Variants in IL1RAPL2 observed in about 807,000 individuals in gnomAD.
The protein encoded by IL1RAPL2 is interleukin 1 receptor accessory protein like 2.
IL1RAPL2 carries 3 observed loss-of-function variants against 44.1 expected under a neutral mutation model. The ratio of observed to expected loss-of-function variants is 0.07; its 90% CI spans 0.03 to 0.18. The LOEUF is 0.18. IL1RAPL2 is among the 10% of genes least tolerant of loss of function. The probability of loss-of-function intolerance (pLI) is 1.00; values close to 1 mark genes in which losing one functional copy is unlikely to be tolerated. For synonymous variants in IL1RAPL2, 181 were observed against 178.8 expected (o/e 1.01, Z -0.10); for missense variants, 391 against 496.4 (o/e 0.79, Z 2.02).
Position 105,634,115 on chromosome X carries a change from T to C in IL1RAPL2, c.773-83252T>C, listed in dbSNP as rs1373892004. 2.7e-5 allele frequency among the ~76,000 whole-genome samples: 3 copies of C among 111,404 alleles called. No homozygotes were observed. The Admixed American group carries it at 2.9e-4, about 11-fold the overall frequency. On this transcript the variant is annotated intron_variant, in intron 6 of 10. Transcript: ENST00000372582. ...GAGAGTGCGTCTTCTACTTCCCTTATTTGCCTTTCAGTGTCTACGTGTCTG... is the reference window on the plus strand; with the variant it reads ...GAGAGTGCGTCTTCTACTTCCCTTACTTGCCTTTCAGTGTCTACGTGTCTG...
chrX:105,184,422 G>C (rs1396586083), intron 2 of IL1RAPL2, among the ~76,000 whole-genome samples: 1 of 108,257 alleles, frequency 9.2e-6, no homozygotes, highest in Non-Finnish European at 1.9e-5. Context: ...ATAACAATAT[G>C]TATTATATAC....
intron 2 of IL1RAPL2, among the ~76,000 whole-genome samples, chrX:104,800,494 A>G (rs1214396516): frequency 1.8e-5 from 2 of 112,165 alleles, no homozygotes; most frequent in Non-Finnish European, 3.8e-5. Flanking sequence ...TAAAATCTCA[A>G]AGATAGAATT....
At chrX:104,854,277 C>G (rs1922301934) in intron 2 of IL1RAPL2, among the ~76,000 whole-genome samples, 1 of 110,829 alleles carries the variant, frequency 9.0e-6, no homozygotes, top group Non-Finnish European at 1.9e-5. Context: ...TCCAGAAACC[C>G]TGATTTTTTT....
At chrX:105,721,661 C>A (rs935368073) in intron 7 of IL1RAPL2, among the ~76,000 whole-genome samples, 1 of 111,175 alleles carries the variant, frequency 9.0e-6, no homozygotes, top group Non-Finnish European at 1.9e-5. Context: ...TTGGATAAAT[C>A]CTGAACAAGC....
chrX:105,026,720 T>C (rs1349348907), intron 2 of IL1RAPL2, among the ~76,000 whole-genome samples: 5 of 110,871 alleles, frequency 4.5e-5, no homozygotes, highest in Non-Finnish European at 7.6e-5. Flanking sequence ...ATATTCCATG[T>C]TCATGGATTA....
intron 2 of IL1RAPL2, among the ~76,000 whole-genome samples, chrX:104,920,412 C>T (rs188632706): frequency 9.1e-6 from 1 of 109,490 alleles, no homozygotes; most frequent in Non-Finnish European, 1.9e-5. Context: ...AGAGGTGGGG[C>T]CTGGTGGGAG....
intron 2 of IL1RAPL2, among the ~76,000 whole-genome samples, chrX:104,668,436 A>G (rs1569293131): frequency 2.9e-5 from 3 of 103,620 alleles, no homozygotes; most frequent in Admixed American, 1.1e-4. Context: ...TTAACTCGTC[A>G]TTTAGCATTA....
intron 2 of IL1RAPL2, among the ~76,000 whole-genome samples, chrX:104,964,408 T>C (rs908228542): frequency 4.6e-5 from 5 of 108,380 alleles, no homozygotes; most frequent in Non-Finnish European, 9.6e-5. Context: ...ACCTCCTGGG[T>C]TCACGCCATT....
intron 2 of IL1RAPL2, among the ~76,000 whole-genome samples, chrX:104,911,759 A>T (rs903392733): frequency 1.8e-5 from 2 of 111,681 alleles, no homozygotes; most frequent in Non-Finnish European, 1.9e-5. Flanking sequence ...CTTCATCACC[A>T]TCTCTTGCTA....
intron 2 of IL1RAPL2, among the ~76,000 whole-genome samples, chrX:104,948,607 C>A (rs1362449147): frequency 2.7e-5 from 3 of 109,997 alleles, no homozygotes; most frequent in Admixed American, 9.7e-5. Flanking sequence ...TACCTAATTT[C>A]TTGAGAGTTT....
intron 6 of IL1RAPL2, among the ~76,000 whole-genome samples, chrX:105,636,904 T>A (rs2037527886): frequency 9.0e-6 from 1 of 111,332 alleles, no homozygotes; most frequent in Admixed American, 9.6e-5. Flanking sequence ...AGGTGTCACA[T>A]TACAGGCAAC....
chrX:104,701,431 A>C (rs1412499552), intron 2 of IL1RAPL2, among the ~76,000 whole-genome samples: 1 of 111,027 alleles, frequency 9.0e-6, no homozygotes, highest in Non-Finnish European at 1.9e-5. Flanking sequence ...TTCATAAAGC[A>C]CTTGAGTATC....
At chrX:104,943,570 G>T (rs1023154165) in intron 2 of IL1RAPL2, among the ~76,000 whole-genome samples, 1 of 110,653 alleles carries the variant, frequency 9.0e-6, no homozygotes, top group African/African-American at 3.3e-5. Context: ...CTTTTATATT[G>T]TTTCCCCTAC....
chrX:105,615,351 A>C (rs1297595942), intron 6 of IL1RAPL2, among the ~76,000 whole-genome samples: 1 of 111,970 alleles, frequency 8.9e-6, no homozygotes, highest in Non-Finnish European at 1.9e-5. Flanking sequence ...GAGAAATAAA[A>C]TCAGTATATC....
rs142467558 is a variant in IL1RAPL2, at chrX:105,714,003, C to T, written c.773-3364C>T. Among the ~76,000 whole-genome samples the T allele has an allele frequency of 5.4e-5, 6 of 111,462 alleles. No homozygotes were observed. The East Asian group carries it at 1.1e-3, about 21-fold the overall frequency. ...ATACAGTAGCCTGAATACCTTGCTG[C>T]GTTGATATTTCTTGTACCAGATGCC... is the stretch of plus-strand genomic sequence containing the variant. On this transcript the variant is annotated intron_variant, in intron 6 of 10. Coordinates refer to ENST00000372582, the MANE Select transcript of IL1RAPL2 (RefSeq NM_017416.2).
chrX:105,118,261 A>T (rs2032882676), intron 2 of IL1RAPL2, among the ~76,000 whole-genome samples: 1 of 112,488 alleles, frequency 8.9e-6, no homozygotes, highest in Non-Finnish European at 1.9e-5. Flanking sequence ...ACCACCAGAG[A>T]AGTCAATCTG....
At chrX:105,098,404 T>A (rs2032630649) in intron 2 of IL1RAPL2, among the ~76,000 whole-genome samples, 2 of 111,720 alleles carry the variant, frequency 1.8e-5, no homozygotes, top group African/African-American at 6.5e-5. Context: ...CCAGGAAAAA[T>A]CCCCATGGGA....
chrX:105,106,196 C>A (rs2032741757), intron 2 of IL1RAPL2, among the ~76,000 whole-genome samples: 1 of 111,298 alleles, frequency 9.0e-6, no homozygotes, highest in African/African-American at 3.3e-5. Context: ...GGTTATGGCA[C>A]CAACTGTTTG....
rs1445394057 is a variant in IL1RAPL2, at chrX:104,907,723, G to C, written c.82+248728G>C. Reference sequence around the variant, plus strand: ...TTGCTGAGGAGAGCTTTACTTCCAAGTATGTGGTCAATTTTGGAATAGGTG... The same window carrying C: ...TTGCTGAGGAGAGCTTTACTTCCAACTATGTGGTCAATTTTGGAATAGGTG... On this transcript the variant is annotated intron_variant, in intron 2 of 10. Transcript: ENST00000372582. Among the ~76,000 whole-genome samples the C allele has an allele frequency of 1.3e-4, 14 of 109,882 alleles. No homozygotes were observed. The South Asian group carries it at 1.6e-3, about 12-fold the overall frequency.
Sources: allele counts gnomAD v4.1 joint callset (sites outside exome capture counted in the v4.1 genomes callset), GRCh38; gene constraint gnomAD v4.1.1; transcripts MANE v1.5; gene names NCBI Gene and HGNC (gene_info 2026-07-23, HGNC 2026-07-21).